Variants in TTC17 observed in about 807,000 individuals in gnomAD.
TTC17 encodes the protein tetratricopeptide repeat protein 17.
In TTC17, 58 loss-of-function variants were observed where a neutral mutation model predicts 143.8. The ratio of observed to expected loss-of-function variants is 0.40; its 90% confidence interval spans 0.33 to 0.50. The LOEUF is 0.50. TTC17 is among the 20% of genes least tolerant of loss of function. The pLI, the probability that TTC17 is intolerant of heterozygous loss-of-function variation, is 0.49. For missense variants in TTC17, 1,273 were observed against 1,392.5 expected (o/e 0.91, Z 1.37); for synonymous variants, 501 against 497.8 (o/e 1.01, Z -0.09).
At chr11:43,460,738 C>T (rs1300647792) in intron 21 of TTC17, among the ~76,000 whole-genome samples, 2 of 152,178 alleles carry the variant, frequency 1.3e-5, no homozygotes, top group Non-Finnish European at 2.9e-5. Context: ...CCAAAGATGG[C>T]TTTACTCAAA....
At chr11:43,406,305 T>A (rs1193131498) in intron 13 of TTC17, among the ~76,000 whole-genome samples, 1 of 152,176 alleles carries the variant, frequency 6.6e-6, no homozygotes, top group Non-Finnish European at 1.5e-5. Flanking sequence ...CAGAAGTGTA[T>A]ATAAATTGAA....
chr11:43,419,754 C>T (rs185120782), intron 16 of TTC17, among the ~76,000 whole-genome samples: 2 of 152,280 alleles, frequency 1.3e-5, no homozygotes, highest in Admixed American at 1.3e-4. Flanking sequence ...TTCACAGACT[C>T]TATCATAGCA....
intron 9 of TTC17, among the ~76,000 whole-genome samples, chr11:43,400,730 C>G (rs1590358666): frequency 6.6e-6 from 1 of 151,992 alleles, no homozygotes; most frequent in Non-Finnish European, 1.5e-5. Flanking sequence ...TTATTAAAAT[C>G]TCTCAAGCAT....
chr11:43,389,951 AATAC>A, intron 3 of TTC17, 130 bp downstream of exon 3: 1 of 686,068 alleles, frequency 1.5e-6, no homozygotes, highest in South Asian at 2.2e-5. Flanking sequence ...GAAAATTCAA[AATAC>A]ATACTACATG....
intron 15 of TTC17, among the ~76,000 whole-genome samples, chr11:43,408,306 G>A (rs1011179865): frequency 1.3e-5 from 2 of 152,178 alleles, no homozygotes; most frequent in Admixed American, 1.3e-4. Context: ...TATGGTGTCT[G>A]AAAACTGATT....
intron 16 of TTC17, among the ~76,000 whole-genome samples, chr11:43,430,977 A>G (rs931802773): frequency 2.0e-5 from 3 of 151,958 alleles, no homozygotes; most frequent in Non-Finnish European, 4.4e-5. Context: ...TCCTGTGTCC[A>G]TGTGTTCTCA....
At chr11:43,403,914 C>T (rs1857989108) in intron 10 of TTC17, 84 bp from the exon 11 acceptor site, 1 of 1,210,260 alleles carries the variant, frequency 8.3e-7, no homozygotes, top group African/African-American at 1.6e-5. Context: ...TGAATATTCA[C>T]TCGCTTTTTT....
chr11:43,411,268 C>T (rs1047016799), intron 15 of TTC17, among the ~76,000 whole-genome samples: 2 of 152,148 alleles, frequency 1.3e-5, no homozygotes, highest in African/African-American at 2.4e-5. Context: ...ACTAAGCATG[C>T]CCCTACCTCA....
intron 8 of TTC17, among the ~76,000 whole-genome samples, 199 bp downstream of exon 8, chr11:43,398,312 A>G (rs1277299550): frequency 6.6e-6 from 1 of 152,204 alleles, no homozygotes; most frequent in Non-Finnish European, 1.5e-5. Flanking sequence ...CTTTAATTGT[A>G]TGGATTCCTG....
Position 43,493,912 on chromosome 11 carries a change from C to A in TTC17, c.*8C>A. The A allele has an allele frequency of 1.3e-6, 2 of 1,572,816 alleles. No homozygotes were observed. Among genetic ancestry groups the A allele is most frequent in the Non-Finnish European group, 1.7e-6 (2 of 1,157,566 alleles). On this transcript the variant is annotated 3_prime_UTR_variant, in exon 24 of 24. Transcript: ENST00000039989. The stretch of plus-strand genomic sequence containing the variant: ...GGACGGCGCTCTCCTTAGTGCACTT[C>A]TTCCTTCTCTCTTTCTCTTTACTCA...
intron 1 of TTC17, among the ~76,000 whole-genome samples, chr11:43,367,572 G>A (rs966652857): frequency 4.6e-5 from 7 of 152,162 alleles, no homozygotes; most frequent in Non-Finnish European, 2.9e-5. Context: ...TGATAGTGAA[G>A]AATAAATAAG....
At chr11:43,362,821 A>G (rs1199838501) in intron 1 of TTC17, among the ~76,000 whole-genome samples, 2 of 152,170 alleles carry the variant, frequency 1.3e-5, no homozygotes, top group Admixed American at 6.5e-5. Flanking sequence ...TTTTTAGGTT[A>G]TGTTTACTGA....
chr11:43,392,763 G>A (rs940900585), intron 5 of TTC17, among the ~76,000 whole-genome samples: 3 of 152,154 alleles, frequency 2.0e-5, no homozygotes, highest in Non-Finnish European at 1.5e-5. Flanking sequence ...AACTGGCCCA[G>A]GATTTTACAG....
At chr11:43,480,152 T>TAAG (rs1184013162) in intron 21 of TTC17, among the ~76,000 whole-genome samples, 1 of 152,226 alleles carries the variant, frequency 6.6e-6, no homozygotes, top group African/African-American at 2.4e-5. Context: ...AATAGCTCAA[T>TAAG]AAGTATCACA....
chr11:43,428,864 C>T (rs1947088678), intron 16 of TTC17, among the ~76,000 whole-genome samples: 1 of 152,150 alleles, frequency 6.6e-6, no homozygotes, highest in South Asian at 2.1e-4. Context: ...ACTTAATCAC[C>T]TCACCAGGAG....
At chr11:43,362,015 T>C (rs1239260928) in intron 1 of TTC17, among the ~76,000 whole-genome samples, 5 of 150,522 alleles carry the variant, frequency 3.3e-5, no homozygotes, top group African/African-American at 1.2e-4. Context: ...AGTTTTGCTC[T>C]TGTTGCCCAG....
intron 1 of TTC17, among the ~76,000 whole-genome samples, chr11:43,373,999 T>G (rs141478143): frequency 8.5e-5 from 13 of 152,302 alleles, no homozygotes; most frequent in Admixed American, 8.5e-4. Context: ...CAAATAGTCA[T>G]CAGTGAATGA....
intron 15 of TTC17, among the ~76,000 whole-genome samples, chr11:43,412,313 C>A (rs376071360): frequency 2.0e-5 from 3 of 151,650 alleles, no homozygotes; most frequent in East Asian, 3.9e-4. Flanking sequence ...ATGAGATCCA[C>A]TCTCTACAAA....
At chr11:43,399,813 ATC>A in intron 8 of TTC17, 73 bp from the exon 9 acceptor site, 1 of 1,455,254 alleles carries the variant, frequency 6.9e-7, no homozygotes, top group South Asian at 1.5e-5. Flanking sequence ...AACCAGAAAA[ATC>A]TGTGCATTTA....
Sources: gnomAD v4.1 joint callset for allele counts (sites outside exome capture counted in the v4.1 genomes callset) on GRCh38, gnomAD v4.1.1 for gene constraint, MANE v1.5 for transcripts, NCBI Gene and HGNC (gene_info 2026-07-23, HGNC 2026-07-21) for gene names.